PDE1C: variants seen among roughly 807,000 people sequenced by gnomAD.
The protein encoded by PDE1C is dual specificity calcium/calmodulin-dependent 3',5'-cyclic nucleotide phosphodiesterase 1C.
In PDE1C, 62 loss-of-function variants were observed where a neutral mutation model predicts 93.1. That is an observed-to-expected ratio of 0.67 (90% CI 0.54 to 0.82). The LOEUF (loss-of-function observed/expected upper bound fraction) is 0.82. Among genes scored for constraint, PDE1C ranks in the 40% least tolerant of loss-of-function variants. PDE1C has a pLI of 0.00. For missense variants in PDE1C, 742 were observed against 884.6 expected, an observed-to-expected ratio of 0.84 and a Z score of 2.04; for synonymous variants, 325 against 310.1, an observed-to-expected ratio of 1.05 and a Z score of -0.50.
In PDE1C at chr7:31,997,537, G is replaced by A. The variant is rs1435093338; in HGVS notation, c.128+54017C>T. 2.6e-5 allele frequency among the ~76,000 whole-genome samples: 4 copies of A among 152,214 alleles called. No individual in the cohort carries two copies. The East Asian group carries it at 5.8e-4, about 22-fold the overall frequency. Reference sequence around the variant, plus strand: ...AACAATAGAGCTTGGAGAACCTGGGGGGATGGTAGCTGGCCTGTCTCTTAT... The same window carrying A: ...AACAATAGAGCTTGGAGAACCTGGGAGGATGGTAGCTGGCCTGTCTCTTAT... On this transcript the variant is annotated intron_variant, in intron 2 of 17. Transcript: ENST00000396191.
chr7:31,818,220 G>A (rs1279268933), intron 14 of PDE1C, among the ~76,000 whole-genome samples: 1 of 152,178 alleles, frequency 6.6e-6, no homozygotes, highest in African/African-American at 2.4e-5. Context: ...ACATAATTAT[G>A]TGCATGTAAA....
the PDE1C span, among the ~76,000 whole-genome samples, chr7:31,681,527 C>T: frequency 6.6e-6 from 1 of 152,168 alleles, no homozygotes; most frequent in East Asian, 1.9e-4. Context: ...ATTCTTGTGT[C>T]TTGCTCTGGG....
At chr7:31,890,239 G>A (rs1292526536) in intron 2 of PDE1C, among the ~76,000 whole-genome samples, 1 of 152,220 alleles carries the variant, frequency 6.6e-6, no homozygotes, top group Non-Finnish European at 1.5e-5. Flanking sequence ...CTACCAAGAG[G>A]TAAGTTCCAG....
the PDE1C span, among the ~76,000 whole-genome samples, chr7:31,683,553 G>C: frequency 2.0e-5 from 3 of 152,020 alleles, no homozygotes; most frequent in Non-Finnish European, 4.4e-5. Context: ...CTTACCAGGG[G>C]ATATTGATCT....
intron 17 of PDE1C, among the ~76,000 whole-genome samples, chr7:31,772,708 A>T (rs1795577877): frequency 6.6e-6 from 1 of 152,262 alleles, no homozygotes; most frequent in African/African-American, 2.4e-5. Context: ...GAATTGGATC[A>T]GCTTACAGCA....
At chr7:32,083,688 T>G (rs4374890) in intron 3 of PDE1C, among the ~76,000 whole-genome samples, 95,056 of 151,740 alleles carry the variant, frequency 0.63, 30,120 homozygotes, top group African/African-American at 0.71. Context: ...GAGAGTGGGG[T>G]CCAATATTCA....
At chr7:31,836,720 T>C (rs1791161024) in intron 11 of PDE1C, among the ~76,000 whole-genome samples, 1 of 152,174 alleles carries the variant, frequency 6.6e-6, no homozygotes, top group South Asian at 2.1e-4. Flanking sequence ...TTTCTAGTGA[T>C]TTCCTGACCC....
intron 2 of PDE1C, among the ~76,000 whole-genome samples, chr7:31,886,124 C>T (rs1487606831): frequency 1.3e-5 from 2 of 152,084 alleles, no homozygotes; most frequent in Admixed American, 6.6e-5. Context: ...CTCTACATGT[C>T]CCAATGGATC....
intron 2 of PDE1C, among the ~76,000 whole-genome samples, chr7:32,038,977 A>T (rs1474809781): frequency 1.3e-5 from 2 of 152,214 alleles, no homozygotes; most frequent in Non-Finnish European, 2.9e-5. Flanking sequence ...AGAAAAGCAG[A>T]TGTAAAGCAA....
At chr7:31,635,313 A>G in the PDE1C span, among the ~76,000 whole-genome samples, 1 of 152,288 alleles carries the variant, frequency 6.6e-6, no homozygotes, top group East Asian at 1.9e-4. Context: ...TCTTGAAGAA[A>G]CTAAACCATC....
chr7:31,623,679 C>T, the PDE1C span, among the ~76,000 whole-genome samples: 1 of 104,734 alleles, frequency 9.5e-6, no homozygotes, highest in African/African-American at 3.3e-5. Flanking sequence ...GAAGCATTCC[C>T]TTTGAAAACT....
At chr7:31,650,503 G>A in the PDE1C span, among the ~76,000 whole-genome samples, 1 of 152,158 alleles carries the variant, frequency 6.6e-6, no homozygotes, top group East Asian at 1.9e-4. Flanking sequence ...CAGGAGCAAT[G>A]GGAAGGATTA....
At chr7:32,113,236 A>AATATATAT (rs35138046) in intron 3 of PDE1C, among the ~76,000 whole-genome samples, 5,643 of 93,754 alleles carry the variant, frequency 0.06, 342 homozygotes, top group South Asian at 0.11. Context: ...ATTGTCCTTA[A>AATATATAT]ATATATATAT....
chr7:32,021,089 C>T (rs1410394710), intron 2 of PDE1C, among the ~76,000 whole-genome samples: 3 of 152,082 alleles, frequency 2.0e-5, no homozygotes, highest in Admixed American at 1.3e-4. Flanking sequence ...TGAGTGTGAT[C>T]CAGCCGTACT....
intron 2 of PDE1C, among the ~76,000 whole-genome samples, chr7:31,969,477 A>T (rs1231073520): frequency 6.6e-6 from 1 of 152,176 alleles, no homozygotes; most frequent in Non-Finnish European, 1.5e-5. Context: ...GTGATCATTA[A>T]AAAGTCAGGA....
intron 1 of PDE1C, among the ~76,000 whole-genome samples, chr7:32,266,406 C>A (rs533472504): frequency 1.3e-5 from 2 of 152,044 alleles, no homozygotes; most frequent in Non-Finnish European, 2.9e-5. Flanking sequence ...GAGGCTGAGG[C>A]AGGAGAATCG....
chr7:31,628,161 G>C, the PDE1C span, among the ~76,000 whole-genome samples: 169 of 152,322 alleles, frequency 1.1e-3, 1 homozygote, highest in Non-Finnish European at 2.1e-3. Context: ...TTTTCAAAAA[G>C]TGCCCTGAAG....
At chr7:31,894,205 G>A (rs867346363) in intron 2 of PDE1C, among the ~76,000 whole-genome samples, 12 of 152,330 alleles carry the variant, frequency 7.9e-5, no homozygotes, top group Non-Finnish European at 1.5e-4. Context: ...AAGCTCCAGA[G>A]GTGGTGTTCA....
chr7:32,114,678 A>C (rs908136946), intron 3 of PDE1C, among the ~76,000 whole-genome samples: 1 of 152,164 alleles, frequency 6.6e-6, no homozygotes, highest in South Asian at 2.1e-4. Context: ...AGAGTGAACA[A>C]CCTACAGAAT....
Sources: gnomAD v4.1 joint callset for allele counts (sites outside exome capture counted in the v4.1 genomes callset) on GRCh38, gnomAD v4.1.1 for gene constraint, MANE v1.5 for transcripts, NCBI Gene and HGNC (gene_info 2026-07-23, HGNC 2026-07-21) for gene names.